Variants in HSPA12A observed in about 807,000 individuals in gnomAD.
The protein encoded by HSPA12A is heat shock 70 kDa protein 12A.
In HSPA12A, 28 loss-of-function variants were observed where a neutral mutation model predicts 69.2. The ratio of observed to expected loss-of-function variants is 0.40; its 90% CI spans 0.30 to 0.55. The LOEUF (loss-of-function observed/expected upper bound fraction) is 0.55. Ranked by LOEUF, HSPA12A falls within the 20% of genes least tolerant of loss-of-function variation. HSPA12A has a pLI of 0.38. For synonymous variants in HSPA12A, 345 were observed against 370.5 expected (o/e 0.93, Z 0.79); for missense variants, 686 against 900.7 (o/e 0.76, Z 3.05).
chr10:116,823,805 A>G (rs1845450366), intron 2 of HSPA12A, among the ~76,000 whole-genome samples: 1 of 152,226 alleles, frequency 6.6e-6, no homozygotes, highest in South Asian at 2.1e-4. Flanking sequence ...TATGAGAGGA[A>G]AGAAGAAAAT....
At chr10:116,805,184 T>C (rs993826233) in intron 2 of HSPA12A, among the ~76,000 whole-genome samples, 2 of 152,092 alleles carry the variant, frequency 1.3e-5, no homozygotes, top group South Asian at 2.1e-4. Context: ...GGCGTGGTGG[T>C]GGGCGCCTGT....
intron 1 of HSPA12A, among the ~76,000 whole-genome samples, chr10:116,713,582 G>C (rs1351686779): frequency 6.6e-6 from 1 of 152,106 alleles, no homozygotes; most frequent in Non-Finnish European, 1.5e-5. Context: ...CGCAGGGAGA[G>C]CGAACTGGGG....
In HSPA12A at chr10:116,705,141, C is replaced by T. The variant is rs782728933; in HGVS notation, c.254+10G>A. 3 of 1,613,804 alleles carry T rather than the reference C, an allele frequency of 1.9e-6. No homozygotes were observed. In the African/African-American group the frequency reaches 4.0e-5, roughly 22 times the overall value. ...ACCAGCCACGTGGCCCTCCCACCCA[C>T]AGCACTCACCTCATCACATGGATGC... On this transcript the variant is annotated intron_variant, in intron 3 of 11. Coordinates refer to ENST00000369209, the MANE Select transcript of HSPA12A (RefSeq NM_025015.3).
chr10:116,811,274 C>G (rs980079284), intron 2 of HSPA12A, among the ~76,000 whole-genome samples: 2 of 152,174 alleles, frequency 1.3e-5, no homozygotes, highest in African/African-American at 2.4e-5. Context: ...AATGCAGAAT[C>G]AGAGGGAGCT....
At chr10:116,811,182 A>G (rs995122912) in intron 2 of HSPA12A, among the ~76,000 whole-genome samples, 13 of 152,208 alleles carry the variant, frequency 8.5e-5, no homozygotes, top group African/African-American at 2.7e-4. Flanking sequence ...GCAAAGGCTT[A>G]AGAGCAAGAA....
intron 1 of HSPA12A, among the ~76,000 whole-genome samples, chr10:116,712,161 T>C (rs1349627647): frequency 6.6e-6 from 1 of 152,222 alleles, no homozygotes; most frequent in Non-Finnish European, 1.5e-5. Context: ...TGTTAGATAA[T>C]TTAACATCAC....
chr10:116,682,459 G>A (rs570460473), intron 7 of HSPA12A, among the ~76,000 whole-genome samples: 9 of 151,890 alleles, frequency 5.9e-5, no homozygotes, highest in Admixed American at 1.3e-4. Flanking sequence ...ATAGACTGGG[G>A]GGGGGGGCCA....
intron 2 of HSPA12A, among the ~76,000 whole-genome samples, chr10:116,790,840 A>G (rs1478421159): frequency 6.6e-6 from 1 of 152,016 alleles, no homozygotes. Flanking sequence ...ACAGGAGCGC[A>G]CCACCACACA....
At chr10:116,740,369 T>C (rs1449652685) in intron 1 of HSPA12A, among the ~76,000 whole-genome samples, 1 of 152,186 alleles carries the variant, frequency 6.6e-6, no homozygotes, top group Non-Finnish European at 1.5e-5. Flanking sequence ...AAGCCAACTC[T>C]GCTCCTATGC....
At chr10:116,698,366 A>G in intron 5 of HSPA12A, 1 of 339,492 alleles carries the variant, frequency 2.9e-6, no homozygotes. Context: ...TCATTTCTCC[A>G]CCCAGGAGTG....
At chr10:116,783,267 G>A (rs190129361) in intron 2 of HSPA12A, among the ~76,000 whole-genome samples, 16 of 152,310 alleles carry the variant, frequency 1.1e-4, no homozygotes, top group African/African-American at 2.2e-4. Context: ...AGGAGGTGAC[G>A]TTGGAGACAT....
intron 1 of HSPA12A, among the ~76,000 whole-genome samples, chr10:116,739,142 G>A (rs559430097): frequency 2.4e-4 from 36 of 152,258 alleles, no homozygotes; most frequent in Non-Finnish European, 4.4e-4. Flanking sequence ...GACATGCCAG[G>A]CACATGCCAG....
Position 116,707,183 on chromosome 10 carries a change from ACACACAC to A in HSPA12A, c.126+10_126+16del. On this transcript the variant is annotated intron_variant, in intron 2 of 11. Transcript: ENST00000369209. ...CACACACACACACACACACACACAC[ACACACAC>A]ACTTCTTACCACAATATGGGAGGGG... 1.9e-6 allele frequency: 3 copies of A among 1,572,182 alleles called. No individual in the cohort carries two copies. The highest frequency in any genetic ancestry group is 1.7e-5 in the Admixed American group (1 of 57,938).
chr10:116,745,700 A>G (rs908221317), upstream of HSPA12A, among the ~76,000 whole-genome samples: 1 of 152,040 alleles, frequency 6.6e-6, no homozygotes, highest in East Asian at 1.9e-4. Flanking sequence ...CCAGGTAACC[A>G]ACCCTGTCTC....
At chr10:116,800,766 T>C (rs1431743535) in intron 2 of HSPA12A, among the ~76,000 whole-genome samples, 4 of 152,212 alleles carry the variant, frequency 2.6e-5, no homozygotes, top group Admixed American at 2.6e-4. Context: ...GTCTCAAGTC[T>C]ATACTAACCC....
chr10:116,684,912 G>C (rs1341193901), intron 6 of HSPA12A, among the ~76,000 whole-genome samples: 2 of 152,154 alleles, frequency 1.3e-5, no homozygotes, highest in Admixed American at 1.3e-4. Flanking sequence ...ACCCTTCTGA[G>C]GATGCTCAGA....
In HSPA12A at chr10:116,722,865, G is replaced by A. The variant is rs114239723; in HGVS notation, c.41-15580C>T. ...ATGGTAAGTGCCACAGGGGTGTTAGGACAGACTGACATCCCTGAAGGGGGT... is the reference window on the plus strand; with the variant it reads ...ATGGTAAGTGCCACAGGGGTGTTAGAACAGACTGACATCCCTGAAGGGGGT... On this transcript the variant is annotated intron_variant, in intron 1 of 11. Transcript: ENST00000369209. Among the ~76,000 whole-genome samples, 1,305 of 152,284 alleles carry A rather than the reference G, an allele frequency of 8.6e-3. 21 individuals are homozygous for A. Among genetic ancestry groups the A allele is most frequent in the African/African-American group, 0.029 (1,195 of 41,544 alleles).
intron 1 of HSPA12A, among the ~76,000 whole-genome samples, chr10:116,839,787 A>G (rs1164051709): frequency 6.6e-6 from 1 of 152,184 alleles, no homozygotes; most frequent in Non-Finnish European, 1.5e-5. Flanking sequence ...ATGATCGTAA[A>G]CATAGTAATC....
intron 2 of HSPA12A, among the ~76,000 whole-genome samples, chr10:116,769,216 CTA>C (rs1370707948): frequency 5.9e-5 from 9 of 152,328 alleles, no homozygotes; most frequent in African/African-American, 2.2e-4. Flanking sequence ...CACTTGGACT[CTA>C]TGCTGGACCT....
Sources: allele counts gnomAD v4.1 joint callset (sites outside exome capture counted in the v4.1 genomes callset), GRCh38; gene constraint gnomAD v4.1.1; transcripts MANE v1.5; gene names NCBI Gene and HGNC (gene_info 2026-07-23, HGNC 2026-07-21).